The following PITPNM3 variants were observed in gnomAD, a reference collection of about 807,000 sequenced individuals.
PITPNM3 encodes membrane-associated phosphatidylinositol transfer protein 3.
A neutral mutation model predicts 102.0 loss-of-function variants in PITPNM3; 26 were observed. That is an observed-to-expected ratio of 0.25 (90% CI 0.19 to 0.35). The LOEUF (loss-of-function observed/expected upper bound fraction) is 0.35, where lower values mean the gene tolerates loss of function less well. PITPNM3 is among the 10% of genes least tolerant of loss of function. The probability of loss-of-function intolerance (pLI) is 1.00; values close to 1 mark genes in which losing one functional copy is unlikely to be tolerated. For missense variants in PITPNM3, 1,083 were observed against 1,346.1 expected (o/e 0.80, Z 3.06); for synonymous variants, 578 against 558.6 (o/e 1.03, Z -0.49).
intron 2 of PITPNM3, among the ~76,000 whole-genome samples, chr17:6,531,060 G>A (rs1909118502): frequency 6.6e-6 from 1 of 152,148 alleles, no homozygotes; most frequent in Non-Finnish European, 1.5e-5. Context: ...ACTATCTCCT[G>A]GCAGTTAATT....
chr17:6,476,695 G>A (rs1037230447), intron 9 of PITPNM3, among the ~76,000 whole-genome samples: 1 of 152,112 alleles, frequency 6.6e-6, no homozygotes, highest in Non-Finnish European at 1.5e-5. Context: ...CAATTACTCC[G>A]CCAGGTTCTT....
rs1404204156 is a variant in PITPNM3 at position 6,453,134 on chromosome 17, TC to T, written c.*2203del. The stretch of plus-strand genomic sequence containing the variant: ...CTCTCTTTCTCTCTCCCTCTCTCTC[TC>T]TCTCTCTCCCTCTCTCTCTTTCTCT... On this transcript the variant is annotated 3_prime_UTR_variant, in exon 20 of 20. Coordinates refer to ENST00000262483, the MANE Select transcript of PITPNM3 (RefSeq NM_031220.4). 5,549 of 142,698 alleles carry T rather than the reference TC, an allele frequency of 0.039. 93 individuals are homozygous for T. Among genetic ancestry groups the T allele is most frequent in the African/African-American group, 0.058 (1,920 of 32,874 alleles). The allele number at this position is 142,698 out of a possible 1,614,324, so 8.8% of individuals were successfully genotyped here.
At chr17:6,473,837 C>T (rs372392772) in intron 10 of PITPNM3, among the ~76,000 whole-genome samples, 6 of 152,050 alleles carry the variant, frequency 3.9e-5, no homozygotes, top group African/African-American at 9.6e-5. Flanking sequence ...ATTAGCTGGG[C>T]GTCATGGTGG....
At chr17:6,511,487 G>A (rs1246815369) in intron 3 of PITPNM3, among the ~76,000 whole-genome samples, 1 of 152,210 alleles carries the variant, frequency 6.6e-6, no homozygotes, top group African/African-American at 2.4e-5. Flanking sequence ...ATCTAAGGAG[G>A]GAGGCAGGAC....
rs1270754676 is a variant in PITPNM3 at position 6,472,465 on chromosome 17, C to T, written c.1429+192G>A. ...CGGGAGCCTGTTGGGGGCCTCTGAG[C>T]CCCAAGATGCCTCAGACAAGCAGGT... On this transcript the variant is annotated intron_variant, in intron 11 of 19. Transcript: ENST00000262483. The surrounding 1 kb of genome is among the most constrained non-coding windows in gnomAD (Gnocchi z 4.1). 6.6e-6 allele frequency among the ~76,000 whole-genome samples: 1 copy of T among 152,222 alleles called. No homozygotes were observed. The highest frequency in any genetic ancestry group is 1.5e-5 in the Non-Finnish European group (1 of 68,048).
At chr17:6,481,987 T>TCC (rs1905734856) in intron 6 of PITPNM3, among the ~76,000 whole-genome samples, 5 of 1,696 alleles carry the variant, frequency 2.9e-3, no homozygotes, top group African/African-American at 6.9e-3. Context: ...AAACAGAACC[T>TCC]CTCTCTCTCT....
intron 4 of PITPNM3, among the ~76,000 whole-genome samples, chr17:6,499,565 C>T (rs1372702616): frequency 3.3e-5 from 5 of 152,222 alleles, no homozygotes; most frequent in Non-Finnish European, 4.4e-5. Flanking sequence ...GGTGTTCCAG[C>T]TTCCAAGGCA....
intron 15 of PITPNM3, 108 bp downstream of exon 15, chr17:6,464,547 C>T (rs2150718618): frequency 8.0e-7 from 1 of 1,246,844 alleles, no homozygotes; most frequent in East Asian, 2.3e-5. Flanking sequence ...GTGCTTCCAC[C>T]CCAGGCAGCT....
Position 6,472,231 on chromosome 17 carries a change from C to T in PITPNM3, c.1429+426G>A, listed in dbSNP as rs564819268. On this transcript the variant is annotated intron_variant, in intron 11 of 19. Coordinates refer to ENST00000262483, the MANE Select transcript of PITPNM3 (RefSeq NM_031220.4). The surrounding 1 kb of genome is among the most constrained non-coding windows in gnomAD (Gnocchi z 4.1). ...TCAACCCTCATCCTCTAGCTCTTCTCCACCTGCCCAAATGCACCTCCCCTC... is the reference window on the plus strand; with the variant it reads ...TCAACCCTCATCCTCTAGCTCTTCTTCACCTGCCCAAATGCACCTCCCCTC... Among the ~76,000 whole-genome samples, 10 of 152,302 alleles carry T rather than the reference C, an allele frequency of 6.6e-5. No individual in the cohort carries two copies. The highest frequency in any genetic ancestry group is 6.5e-5 in the Admixed American group (1 of 15,310).
chr17:6,464,902 T>G, intron 14 of PITPNM3, 131 bp from the exon 15 acceptor site: 1 of 891,258 alleles, frequency 1.1e-6, no homozygotes, highest in Non-Finnish European at 1.9e-6. Flanking sequence ...TAACTTCTGC[T>G]AGAGTTTCAG....
intron 2 of PITPNM3, among the ~76,000 whole-genome samples, chr17:6,531,289 A>G (rs533252247): frequency 5.6e-4 from 86 of 152,286 alleles, no homozygotes; most frequent in African/African-American, 1.9e-3. Flanking sequence ...TCCCAAATAA[A>G]CTCAACCAAT....
intron 6 of PITPNM3, among the ~76,000 whole-genome samples, chr17:6,482,016 C>CTCTCTCTCTCTG (rs1905741679): frequency 9.5e-6 from 1 of 105,518 alleles, no homozygotes; most frequent in Admixed American, 9.5e-5. Context: ...CTCTCTCTCT[C>CTCTCTCTCTCTG]TCTCTCTCTC....
rs867872 is a variant in PITPNM3, at chr17:6,458,616, C to G, written c.2491-894G>C. On this transcript the variant is annotated intron_variant, in intron 18 of 19. Coordinates refer to ENST00000262483, the MANE Select transcript of PITPNM3 (RefSeq NM_031220.4). The surrounding 1 kb of genome is among the most constrained non-coding windows in gnomAD (Gnocchi z 5.1). ...TCCGCTCCGCTCAGGGCTTCTGCCC[C>G]CTCCCCACCACTTCTCCGCCAGCCC... 0.49 allele frequency among the ~76,000 whole-genome samples: 74,536 copies of G among 151,988 alleles called. 18,844 individuals are homozygous for G. The highest frequency in any genetic ancestry group is 0.68 in the Middle Eastern group (199 of 294).
chr17:6,512,625 C>T (rs928967749), intron 3 of PITPNM3, among the ~76,000 whole-genome samples: 3 of 152,248 alleles, frequency 2.0e-5, no homozygotes, highest in East Asian at 1.9e-4. Context: ...GATGTTAATG[C>T]TGTTAGTCCA....
At position 6,478,735 on chromosome 17, in the gene PITPNM3, G is replaced by A. The variant is rs767215326; in HGVS notation, c.589C>T (p.Leu197=). 7.0e-6 allele frequency: 11 copies of A among 1,567,262 alleles called. 1 individual carries two copies. The highest frequency in any genetic ancestry group is 9.5e-6 in the Non-Finnish European group (11 of 1,156,718). ...CSEAFSLVSH[L]NPYSHDEGCL... ...CCCTCATCGTGGCTGTAGGGGTTCA[G>A]GCTGCAGACAGGGGGCCCAAGGTGA... The change falls in exon 7 of 20, where the codon CTG becomes TTG. Residue 197 remains leucine (L), a splice_region_variant and synonymous_variant. Transcript: ENST00000262483. This position sits in a 1 kb window ranked among gnomAD's most constrained non-coding sequence, Gnocchi z 4.4.
chr17:6,536,583 T>G (rs1467449017), intron 2 of PITPNM3, among the ~76,000 whole-genome samples: 3 of 152,042 alleles, frequency 2.0e-5, no homozygotes, highest in Non-Finnish European at 2.9e-5. Context: ...CAGCCACATG[T>G]CCTAAAAATC....
chr17:6,513,597 G>T (rs1907991684), intron 3 of PITPNM3, among the ~76,000 whole-genome samples: 1 of 152,116 alleles, frequency 6.6e-6, no homozygotes, highest in African/African-American at 2.4e-5. Context: ...AACAAAACAG[G>T]TGCAAGACTT....
chr17:6,545,834 C>T (rs961956016), intron 1 of PITPNM3, among the ~76,000 whole-genome samples: 4 of 152,206 alleles, frequency 2.6e-5, no homozygotes, highest in Non-Finnish European at 5.9e-5. Context: ...CCTGCCTGCC[C>T]CATTGGGCTG....
chr17:6,478,175 C>T lies in PITPNM3; in HGVS notation c.778-78G>A, dbSNP rs114862551. 1.6e-5 allele frequency: 26 copies of T among 1,597,432 alleles called. No individual in the cohort carries two copies. In the African/African-American group the frequency reaches 3.5e-4, roughly 21 times the overall value. ...CCCACACCCGGCCAGAGCAGTGCTG[C>T]CTCCCCACAGGAGAATGAGAAACTC... is the stretch of plus-strand genomic sequence containing the variant. On this transcript the variant is annotated intron_variant, in intron 7 of 19. Transcript: ENST00000262483. The surrounding 1 kb of genome is among the most constrained non-coding windows in gnomAD (Gnocchi z 4.4).
Sources: gnomAD v4.1 joint callset for allele counts (sites outside exome capture counted in the v4.1 genomes callset) on GRCh38, gnomAD v4.1.1 for gene constraint, Gnocchi (gnomAD v3.1) non-coding constraint, MANE v1.5 for transcripts, NCBI Gene and HGNC (gene_info 2026-07-23, HGNC 2026-07-21) for gene names.